The following TFDP1 variants were observed in gnomAD, a reference collection of about 807,000 sequenced individuals.
TFDP1 encodes the protein DRTF1-polypeptide 1.
TFDP1 carries 6 observed loss-of-function variants against 48.0 expected under a neutral mutation model. The observed-to-expected ratio is 0.13, with a 90% CI of 0.07 to 0.25. The LOEUF (loss-of-function observed/expected upper bound fraction) is 0.25. Ranked by LOEUF, TFDP1 falls within the 10% of genes least tolerant of loss-of-function variation. TFDP1 has a pLI of 1.00. For missense variants in TFDP1, 335 were observed against 543.0 expected (o/e 0.62, Z 3.81); for synonymous variants, 201 against 211.6 (o/e 0.95, Z 0.44).
intron 4 of TFDP1, among the ~76,000 whole-genome samples, chr13:113,624,704 AG>A: frequency 1.5e-5 from 2 of 133,974 alleles, no homozygotes; most frequent in African/African-American, 5.8e-5. Flanking sequence ...GGTGTCTCTC[AG>A]GGTATCTCTC....
Position 113,599,854 on chromosome 13 carries a change from G to A in TFDP1, c.13-11142G>A, listed in dbSNP as rs114539777. ...GGACCATGAGAAAGAACCCAGGACC[G>A]TGAAAGAGAACCCTTGTGCTTAGGG... is the stretch of plus-strand genomic sequence containing the variant. On this transcript the variant is annotated intron_variant, in intron 2 of 11. Transcript: ENST00000375370. Among the ~76,000 whole-genome samples, 651 of 151,496 alleles carry A rather than the reference G, an allele frequency of 4.3e-3. 5 individuals are homozygous for A. Among genetic ancestry groups the A allele is most frequent in the African/African-American group, 0.014 (594 of 41,286 alleles).
intron 2 of TFDP1, among the ~76,000 whole-genome samples, chr13:113,592,562 G>A (rs2048171408): frequency 2.0e-5 from 3 of 152,210 alleles, no homozygotes; most frequent in Admixed American, 6.5e-5. Flanking sequence ...TTTAACACAG[G>A]TGCTTGCCCT....
chr13:113,638,201 CAAGT>C (rs2049545872), intron 11 of TFDP1, among the ~76,000 whole-genome samples: 1 of 152,202 alleles, frequency 6.6e-6, no homozygotes, highest in South Asian at 2.1e-4. Flanking sequence ...CAAGTAACAG[CAAGT>C]ATTTCCAGGT....
rs1594451107 is a variant in TFDP1, at chr13:113,607,645, A to G, written c.13-3351A>G. ...GGAGAAAGACCGGCCCCTTCACCCC[A>G]CCTTAGACTTCCTGGAAGGGCCGCC... On this transcript the variant is annotated intron_variant, in intron 2 of 11. Coordinates refer to ENST00000375370, the MANE Select transcript of TFDP1 (RefSeq NM_007111.5). This position sits in a 1 kb window ranked among gnomAD's most constrained non-coding sequence, Gnocchi z 5.2. Among the ~76,000 whole-genome samples, 1 of 151,752 alleles carries G rather than the reference A, an allele frequency of 6.6e-6. No homozygotes were observed. Among genetic ancestry groups the G allele is most frequent in the South Asian group, 2.1e-4 (1 of 4,806 alleles).
chr13:113,639,240 G>A (rs189272713), intron 11 of TFDP1, among the ~76,000 whole-genome samples: 30 of 152,344 alleles, frequency 2.0e-4, no homozygotes, highest in African/African-American at 6.7e-4. Flanking sequence ...CATGAGGTGG[G>A]ATGTGGGTAT....
At chr13:113,585,223 C>A (rs1476884659) in intron 1 of TFDP1, 1 of 149,150 alleles carries the variant, frequency 6.7e-6, no homozygotes, top group African/African-American at 2.4e-5. Flanking sequence ...GGGAGGCCGC[C>A]CCACGGCGGC....
chr13:113,619,165 T>C (rs1018400880), intron 3 of TFDP1, among the ~76,000 whole-genome samples: 13 of 152,336 alleles, frequency 8.5e-5, no homozygotes, highest in African/African-American at 3.1e-4. Flanking sequence ...TTGAAAAGTT[T>C]CTCAGTGAAT....
At chr13:113,610,540 G>C (rs1286993561) in intron 2 of TFDP1, among the ~76,000 whole-genome samples, 1 of 139,726 alleles carries the variant, frequency 7.2e-6, no homozygotes, top group African/African-American at 2.7e-5. Flanking sequence ...ACGTGCCCCT[G>C]CTTTGTGGCT....
Position 113,607,263 on chromosome 13 carries a change from A to G in TFDP1, c.13-3733A>G, listed in dbSNP as rs917682200. Among the ~76,000 whole-genome samples the G allele has an allele frequency of 5.3e-5, 8 of 152,202 alleles. No homozygotes were observed. The highest frequency in any genetic ancestry group is 1.5e-5 in the Non-Finnish European group (1 of 68,022). ...CTCCTGAGCCCAGAGCTTCTCCAGG[A>G]GAAAGCTGAGGAAAGGGGCCAGCCG... is the stretch of plus-strand genomic sequence containing the variant. On this transcript the variant is annotated intron_variant, in intron 2 of 11. Coordinates refer to ENST00000375370, the MANE Select transcript of TFDP1 (RefSeq NM_007111.5). The surrounding 1 kb of genome is among the most constrained non-coding windows in gnomAD (Gnocchi z 5.2).
At chr13:113,604,816 G>A (rs1261898496) in intron 2 of TFDP1, among the ~76,000 whole-genome samples, 2 of 152,228 alleles carry the variant, frequency 1.3e-5, no homozygotes, top group East Asian at 3.9e-4. Flanking sequence ...TGACGTTACA[G>A]CGGGGGTCTG....
rs182757145 is a variant in TFDP1, at chr13:113,597,574, G to T, written c.12+11725G>T. ...TCTGTGTGCTCGCCTGTCCCACGTG[G>T]GCGGCCAGCTGCCCTCCCTACAGGG... On this transcript the variant is annotated intron_variant, in intron 2 of 11. Coordinates refer to ENST00000375370, the MANE Select transcript of TFDP1 (RefSeq NM_007111.5). Among the ~76,000 whole-genome samples, 41 of 152,362 alleles carry T rather than the reference G, an allele frequency of 2.7e-4. No individual in the cohort carries two copies. The East Asian group carries it at 7.7e-3, about 29-fold the overall frequency.
chr13:113,594,346 C>T (rs541613937), intron 2 of TFDP1, among the ~76,000 whole-genome samples: 7 of 139,428 alleles, frequency 5.0e-5, no homozygotes, highest in African/African-American at 1.1e-4. Flanking sequence ...GCTGTGCACG[C>T]GTCCTCAGCT....
intron 3 of TFDP1, among the ~76,000 whole-genome samples, chr13:113,613,666 A>AGT (rs751943510): frequency 1.7e-5 from 2 of 117,674 alleles, no homozygotes; most frequent in East Asian, 5.0e-4. Context: ...CGTGGGTATG[A>AGT]GTGTGTGTGT....
Position 113,627,452 on chromosome 13 carries a change from G to C in TFDP1, c.186+4166G>C, listed in dbSNP as rs115140436. Among the ~76,000 whole-genome samples the C allele has an allele frequency of 6.1e-3, 927 of 152,268 alleles. 9 individuals carry two copies. The highest frequency in any genetic ancestry group is 0.021 in the African/African-American group (882 of 41,550). ...CTGTGGTCGCAGTGGCCTTTCCTTT[G>C]CAGCTGCGCCACTGGCCCTGTCTCT... On this transcript the variant is annotated intron_variant, in intron 4 of 11. Coordinates refer to ENST00000375370, the MANE Select transcript of TFDP1 (RefSeq NM_007111.5). The surrounding 1 kb of genome is among the most constrained non-coding windows in gnomAD (Gnocchi z 4.1).
In TFDP1 at chr13:113,625,965, CGTCTCTCACGTGTCCTCAGGT is replaced by C. The variant is rs1566667859; in HGVS notation, c.186+2732_186+2752del. On this transcript the variant is annotated intron_variant, in intron 4 of 11. Transcript: ENST00000375370. ...CAGGCGTCTCTCACGTGTCCTCAGGCGTCTCTCACGTGTCCTCAGGTGTCTCTCACGTGTCCTCAGGTGTCT... is the reference window on the plus strand; with the variant it reads ...CAGGCGTCTCTCACGTGTCCTCAGGCGTCTCTCACGTGTCCTCAGGTGTCT... Among the ~76,000 whole-genome samples, 32 of 96,214 alleles carry C rather than the reference CGTCTCTCACGTGTCCTCAGGT, an allele frequency of 3.3e-4. No homozygotes were observed. The East Asian group carries it at 3.7e-3, about 11-fold the overall frequency. 63.1% of individuals were successfully genotyped at this position (96,214 alleles called of 152,430 possible).
chr13:113,593,888 C>T (rs907083560), intron 2 of TFDP1, among the ~76,000 whole-genome samples: 2 of 145,462 alleles, frequency 1.4e-5, no homozygotes, highest in African/African-American at 2.6e-5. Context: ...TCAGCCCTGT[C>T]CAGGTGACAG....
chr13:113,592,275 C>T (rs574159243), intron 2 of TFDP1, among the ~76,000 whole-genome samples: 1 of 152,336 alleles, frequency 6.6e-6, no homozygotes, highest in South Asian at 2.1e-4. Flanking sequence ...CTGACCTCAG[C>T]CTCCCAAGTA....
chr13:113,636,273 G>A lies in TFDP1; in HGVS notation c.839+145G>A. 14 of 1,208,442 alleles carry A rather than the reference G, an allele frequency of 1.2e-5. No homozygotes were observed. The South Asian group carries it at 1.7e-4, about 15-fold the overall frequency. The allele number at this position is 1,208,442 out of a possible 1,614,324, so 74.9% of individuals were successfully genotyped here. On this transcript the variant is annotated intron_variant, in intron 9 of 11. Transcript: ENST00000375370. ...ATTGCTGTCCATTGGGGGGTGGTGG[G>A]AGGCTGCCGCCATGTGGCAGATGGA...
intron 7 of TFDP1, 52 bp from the exon 8 acceptor site, chr13:113,634,482 G>T (rs1268639501): frequency 4.6e-6 from 7 of 1,519,668 alleles, no homozygotes; most frequent in Admixed American, 1.8e-5. Context: ...TTTAAAAAAC[G>T]CTCTGTGGAA....
Sources: allele counts gnomAD v4.1 joint callset (sites outside exome capture counted in the v4.1 genomes callset), GRCh38; gene constraint gnomAD v4.1.1; non-coding constraint Gnocchi (gnomAD v3.1); transcripts MANE v1.5; gene names NCBI Gene and HGNC (gene_info 2026-07-23, HGNC 2026-07-21).